Variants in ABCC1 observed in about 807,000 individuals in gnomAD.
The protein encoded by ABCC1 is ATP binding cassette subfamily C member 1 (ABCC1 blood group), also known as multidrug resistance-associated protein 1.
Under a neutral mutation model 172.9 loss-of-function variants are expected in ABCC1, and 83 were observed. That is an observed-to-expected ratio of 0.48 (90% CI 0.40 to 0.58). The LOEUF is 0.58. Ranked by LOEUF, ABCC1 falls within the 20% of genes least tolerant of loss-of-function variation. The probability of loss-of-function intolerance (pLI) is 0.00; values close to 1 mark genes in which losing one functional copy is unlikely to be tolerated. For missense variants in ABCC1, 1,817 were observed against 2,002.7 expected (o/e 0.91, Z 1.77); for synonymous variants, 937 against 825.2 (o/e 1.14, Z -2.32).
In ABCC1 at chr16:16,131,857, G is replaced by C; in HGVS notation, c.3888G>C (p.Arg1296=). The change falls in exon 27 of 31, where the codon CGG becomes CGC. Residue 1296 remains arginine (R), a synonymous_variant. Coordinates refer to ENST00000399410, the MANE Select transcript of ABCC1 (RefSeq NM_004996.4). ...SWPQVGRVEF[R]NYCLRYREDL... Reference sequence around the variant, plus strand: ...CCCAGGTGGGCCGAGTGGAATTCCGGAACTACTGCCTGCGCTACCGAGAGG... The same window carrying C: ...CCCAGGTGGGCCGAGTGGAATTCCGCAACTACTGCCTGCGCTACCGAGAGG... 1 of 1,614,170 alleles carries C rather than the reference G, an allele frequency of 6.2e-7. No homozygotes were observed.
chr16:16,118,856 T>TA (rs1304974002), intron 23 of ABCC1, among the ~76,000 whole-genome samples: 1 of 139,164 alleles, frequency 7.2e-6, no homozygotes, highest in Non-Finnish European at 1.5e-5. Context: ...ATCCTCTCAC[T>TA]AGGCAGTCTC....
At chr16:15,966,920 G>A (rs943375818) in intron 1 of ABCC1, among the ~76,000 whole-genome samples, 6 of 152,142 alleles carry the variant, frequency 3.9e-5, no homozygotes, top group African/African-American at 1.4e-4. Context: ...GCCTCAAGCA[G>A]TTCTCCTGCC....
Position 16,078,483 on chromosome 16 carries a change from C to A in ABCC1, c.1989-869C>A, listed in dbSNP as rs115965914. 6.9e-3 allele frequency among the ~76,000 whole-genome samples: 1,050 copies of A among 152,284 alleles called. 14 individuals are homozygous for A. Among genetic ancestry groups the A allele is most frequent in the African/African-American group, 0.024 (1,002 of 41,554 alleles). On this transcript the variant is annotated intron_variant, in intron 15 of 30. Coordinates refer to ENST00000399410, the MANE Select transcript of ABCC1 (RefSeq NM_004996.4). ...CCCTTTTCAACCCTTTGGTGGCTCC[C>A]GGCTGGCAGAGTTCAGGTGTCTTAG...
At chr16:15,999,617 A>G (rs2047176918) in intron 1 of ABCC1, among the ~76,000 whole-genome samples, 1 of 147,802 alleles carries the variant, frequency 6.8e-6, no homozygotes, top group Admixed American at 6.7e-5. Context: ...CTCCGTCTCA[A>G]AAGAAAAAAA....
intron 1 of ABCC1, among the ~76,000 whole-genome samples, chr16:16,007,606 A>G (rs1264464183): frequency 6.6e-6 from 1 of 152,082 alleles, no homozygotes; most frequent in Non-Finnish European, 1.5e-5. Context: ...AGTGCAGAAG[A>G]CACCACATAC....
intron 10 of ABCC1, 120 bp downstream of exon 10, chr16:16,048,423 T>C: frequency 8.4e-7 from 1 of 1,195,074 alleles, no homozygotes; most frequent in South Asian, 1.5e-5. Context: ...GTTCCGGCTG[T>C]GGTTCATATT....
At chr16:16,126,015 C>T (rs2045418059) in intron 26 of ABCC1, 104 bp downstream of exon 26, 1 of 732,632 alleles carries the variant, frequency 1.4e-6, no homozygotes, top group African/African-American at 1.8e-5. Flanking sequence ...AGCTGGATAC[C>T]TCACCAGGTA....
intron 28 of ABCC1, among the ~76,000 whole-genome samples, chr16:16,135,625 T>A (rs2045889433): frequency 6.6e-6 from 1 of 152,062 alleles, no homozygotes; most frequent in African/African-American, 2.4e-5. Context: ...GTGGCTAGTT[T>A]TTGTATTTTT....
At chr16:15,964,914 C>T (rs2046211388) in intron 1 of ABCC1, among the ~76,000 whole-genome samples, 2 of 152,118 alleles carry the variant, frequency 1.3e-5, no homozygotes, top group African/African-American at 4.8e-5. Flanking sequence ...TTTCTGAGTC[C>T]TTTTTGGGTA....
At chr16:16,025,366 C>G (rs2048334951) in intron 5 of ABCC1, among the ~76,000 whole-genome samples, 1 of 152,164 alleles carries the variant, frequency 6.6e-6, no homozygotes, top group Non-Finnish European at 1.5e-5. Flanking sequence ...GATTGCTGGT[C>G]CCCACCCACA....
At chr16:16,107,274 T>C (rs1012482960) in intron 21 of ABCC1, among the ~76,000 whole-genome samples, 14 of 152,058 alleles carry the variant, frequency 9.2e-5, no homozygotes, top group African/African-American at 3.4e-4. Context: ...AGAGGAATGT[T>C]TGTTTCATTT....
At chr16:15,950,697 C>G (rs1189526313) in intron 1 of ABCC1, among the ~76,000 whole-genome samples, 1 of 152,206 alleles carries the variant, frequency 6.6e-6, no homozygotes, top group Non-Finnish European at 1.5e-5. Flanking sequence ...GCAGGCACTT[C>G]TGTCTCGTGC....
chr16:16,103,012 CG>C (rs1229869459), intron 20 of ABCC1, among the ~76,000 whole-genome samples: 1 of 152,146 alleles, frequency 6.6e-6, no homozygotes, highest in Non-Finnish European at 1.5e-5. Context: ...GGTCTCTTGG[CG>C]GGGCCTGGAA....
chr16:16,017,387 T>C (rs2048039843), intron 5 of ABCC1, among the ~76,000 whole-genome samples: 1 of 151,934 alleles, frequency 6.6e-6, no homozygotes, highest in Non-Finnish European at 1.5e-5. Flanking sequence ...CACACCACCA[T>C]GCCTGGCTAA....
chr16:16,033,254 C>A lies in ABCC1; in HGVS notation c.677+84C>A, dbSNP rs2048621266. 6 of 1,337,162 alleles carry A rather than the reference C, an allele frequency of 4.5e-6. No individual in the cohort carries two copies. In the South Asian group the frequency reaches 5.9e-5, roughly 13 times the overall value. 82.8% of individuals were successfully genotyped at this position (1,337,162 alleles called of 1,614,324 possible). On this transcript the variant is annotated intron_variant, in intron 6 of 30. Coordinates refer to ENST00000399410, the MANE Select transcript of ABCC1 (RefSeq NM_004996.4). Reference sequence around the variant, plus strand: ...GAACGAATGAACATGCTCAGCTCCCCCTCCCCAACTTCTCCCTCCTTTGCT... The same window carrying A: ...GAACGAATGAACATGCTCAGCTCCCACTCCCCAACTTCTCCCTCCTTTGCT...
chr16:16,045,985 C>T lies in ABCC1; in HGVS notation c.1190C>T (p.Thr397Ile). The T allele has an allele frequency of 6.2e-7, 1 of 1,614,188 alleles. No homozygotes were observed. Among genetic ancestry groups the T allele is most frequent in the African/African-American group, 1.3e-5 (1 of 75,058 alleles). Residue 397 changes from threonine (T) to isoleucine (I), a missense_variant, in exon 9 of 31, where the codon ACC (threonine) becomes ATC (isoleucine). Thr to Ile is a moderately conservative substitution (Grantham distance 89). Around this residue, in one of 3 missense-constraint regions of ABCC1, gnomAD observed 1,412 missense variants for 1,600.3 expected, o/e 0.88. Transcript: ENST00000399410. Reference protein sequence around the residue: ...ICFVSGMRIKTAVIGAVYRKA... With the variant: ...ICFVSGMRIKIAVIGAVYRKA... ...TTCGTCAGTGGCATGAGGATCAAGA[C>T]CGCTGTCATTGGGGCTGTCTATCGG...
intron 12 of ABCC1, among the ~76,000 whole-genome samples, chr16:16,057,283 T>A (rs1171019308): frequency 6.7e-6 from 1 of 149,976 alleles, no homozygotes; most frequent in East Asian, 2.0e-4. Flanking sequence ...CCCTTGAACC[T>A]GGGAGGCTGA....
intron 19 of ABCC1, among the ~76,000 whole-genome samples, chr16:16,100,093 GAAA>G (rs540335695): frequency 6.8e-6 from 1 of 146,736 alleles, no homozygotes; most frequent in African/African-American, 2.5e-5. Context: ...TCAAGACAAG[GAAA>G]AAAAAAAATG....
At chr16:15,999,091 T>C (rs1283820910) in intron 1 of ABCC1, among the ~76,000 whole-genome samples, 4 of 152,048 alleles carry the variant, frequency 2.6e-5, no homozygotes, top group Admixed American at 1.3e-4. Context: ...AGCTCTGCCT[T>C]CTGGGTTCAT....
Sources: gnomAD v4.1 joint callset for allele counts (sites outside exome capture counted in the v4.1 genomes callset) on GRCh38, gnomAD v4.1.1 for gene constraint, gnomAD v4.1.1 regional missense constraint, MANE v1.5 for transcripts, NCBI Gene and HGNC (gene_info 2026-07-23, HGNC 2026-07-21) for gene names.